KREMEN1: variants seen among roughly 807,000 people sequenced by gnomAD.
The protein encoded by KREMEN1 is kremen protein 1.
KREMEN1 carries 30 observed loss-of-function variants against 46.5 expected under a neutral mutation model. That is an observed-to-expected ratio of 0.65 (90% CI 0.48 to 0.88). KREMEN1 has a LOEUF of 0.88. KREMEN1 is among the 40% of genes least tolerant of loss of function. The probability of loss-of-function intolerance (pLI) is 0.00; values close to 1 mark genes in which losing one functional copy is unlikely to be tolerated. For missense variants in KREMEN1, 533 were observed against 596.9 expected (o/e 0.89, Z 1.11); for synonymous variants, 214 against 230.6 (o/e 0.93, Z 0.65).
chr22:29,167,702 G>A (rs936949364), exon 10 of KREMEN1: 1 of 152,228 alleles, frequency 6.6e-6, no homozygotes, highest in Non-Finnish European at 1.5e-5. Context: ...AAGGCCCCAG[G>A]CCTACTGTGG....
intron 5 of KREMEN1, among the ~76,000 whole-genome samples, chr22:29,135,015 G>A (rs563025440): frequency 1.3e-5 from 2 of 152,310 alleles, no homozygotes; most frequent in Admixed American, 6.5e-5. Flanking sequence ...GACAGGATGT[G>A]TAAAGGCCAC....
intron 5 of KREMEN1, among the ~76,000 whole-genome samples, chr22:29,131,645 TATATATATGTATATATATAC>T (rs2038549175): frequency 8.6e-6 from 1 of 116,178 alleles, no homozygotes; most frequent in Non-Finnish European, 1.6e-5. Flanking sequence ...TATATGTGTG[TATATATATGTATATATATAC>T]ATGTATATAT....
chr22:29,141,574 G>T (rs1601812154), intron 8 of KREMEN1, among the ~76,000 whole-genome samples: 1 of 152,342 alleles, frequency 6.6e-6, no homozygotes, highest in African/African-American at 2.4e-5. Flanking sequence ...GAGAAGTTTT[G>T]TGTTTATCTT....
intron 5 of KREMEN1, among the ~76,000 whole-genome samples, chr22:29,136,457 C>G (rs531590509): frequency 1.2e-3 from 176 of 151,828 alleles, no homozygotes; most frequent in African/African-American, 4.0e-3. Context: ...ACCTGTAGTC[C>G]CAGCTACTCG....
intron 3 of KREMEN1, among the ~76,000 whole-genome samples, chr22:29,113,613 A>G (rs1395781457): frequency 6.6e-6 from 1 of 152,208 alleles, no homozygotes; most frequent in Non-Finnish European, 1.5e-5. Flanking sequence ...ATTGATTCTC[A>G]TTCCGCTGTT....
chr22:29,146,461 G>A lies in KREMEN1; in HGVS notation c.*4349G>A, dbSNP rs2038865141. The A allele has an allele frequency of 1.0e-6, 1 of 985,500 alleles. No homozygotes were observed. The highest frequency in any genetic ancestry group is 4.7e-5 in the South Asian group (1 of 21,294). The allele number at this position is 985,500 out of a possible 1,614,324, so 61.0% of individuals were successfully genotyped here. ...GTCAGAGGGAAATCTGCTTCAGAAA[G>A]GAAGGGTCTTTAGACACAAAGACTG... On this transcript the variant is annotated 3_prime_UTR_variant, in exon 9 of 9. Coordinates refer to ENST00000400335, the MANE Select transcript of KREMEN1 (RefSeq NM_001039570.3).
chr22:29,082,631 T>C (rs972601190), intron 1 of KREMEN1, among the ~76,000 whole-genome samples: 4 of 152,160 alleles, frequency 2.6e-5, no homozygotes, highest in Non-Finnish European at 5.9e-5. Context: ...ATGTGGTCTG[T>C]AGTTGCTGAG....
chr22:29,107,052 G>A (rs1313487317), intron 3 of KREMEN1, among the ~76,000 whole-genome samples: 1 of 152,130 alleles, frequency 6.6e-6, no homozygotes, highest in Non-Finnish European at 1.5e-5. Flanking sequence ...CCCCAGACCA[G>A]CTGTTCTCAG....
chr22:29,128,761 G>C (rs190318646), intron 5 of KREMEN1, among the ~76,000 whole-genome samples: 1 of 152,316 alleles, frequency 6.6e-6, no homozygotes, highest in Admixed American at 6.5e-5. Flanking sequence ...CTGTTGATAA[G>C]AAAACTGTGG....
rs1456626743 is a variant in KREMEN1 at position 29,145,805 on chromosome 22, C to T, written c.*3693C>T. 1.0e-6 allele frequency: 1 copy of T among 985,388 alleles called. No homozygotes were observed. Among genetic ancestry groups the T allele is most frequent in the East Asian group, 1.1e-4 (1 of 8,832 alleles). The allele number at this position is 985,388 out of a possible 1,614,324, so 61.0% of individuals were successfully genotyped here. ...GAAGAGTGGGCTCTGGCTCAAGACT[C>T]CAATCGGCCAGAAGCCCACAGAGAT... On this transcript the variant is annotated 3_prime_UTR_variant, in exon 9 of 9. Transcript: ENST00000400335.
chr22:29,108,237 A>C (rs966674831), intron 3 of KREMEN1, among the ~76,000 whole-genome samples: 1 of 152,224 alleles, frequency 6.6e-6, no homozygotes, highest in Non-Finnish European at 1.5e-5. Context: ...CGGTAAGCCT[A>C]GATTGCGCCA....
intron 3 of KREMEN1, among the ~76,000 whole-genome samples, chr22:29,117,384 G>A (rs1215669957): frequency 6.6e-6 from 1 of 152,110 alleles, no homozygotes; most frequent in Non-Finnish European, 1.5e-5. Context: ...TGGCTAACAT[G>A]GTGAAACCCT....
intron 1 of KREMEN1, among the ~76,000 whole-genome samples, chr22:29,085,483 C>T (rs1391065043): frequency 1.3e-5 from 2 of 152,022 alleles, no homozygotes; most frequent in Admixed American, 1.3e-4. Flanking sequence ...AACAATAATT[C>T]CTTAATGCCA....
At chr22:29,125,164 G>A in intron 4 of KREMEN1, 99 bp from the exon 5 acceptor site, 1 of 1,391,388 alleles carries the variant, frequency 7.2e-7, no homozygotes, top group East Asian at 2.3e-5. Flanking sequence ...CTGGGAAGTT[G>A]AGGCTGATTG....
At chr22:29,105,463 G>GCACACACACA (rs1181636900) in intron 3 of KREMEN1, among the ~76,000 whole-genome samples, 4 of 112,938 alleles carry the variant, frequency 3.5e-5, no homozygotes, top group East Asian at 3.3e-4. Flanking sequence ...GTGCGTGTGC[G>GCACACACACA]CACACACACA....
intron 5 of KREMEN1, among the ~76,000 whole-genome samples, chr22:29,134,770 C>T (rs537501830): frequency 3.9e-4 from 59 of 152,276 alleles, no homozygotes; most frequent in South Asian, 1.7e-3. Flanking sequence ...CCTCCAGTGA[C>T]GGGCTGCTAT....
At chr22:29,111,910 G>C (rs1053656038) in intron 3 of KREMEN1, among the ~76,000 whole-genome samples, 1 of 152,144 alleles carries the variant, frequency 6.6e-6, no homozygotes. Context: ...TTCTGTCTTC[G>C]ATAATGATTT....
intron 3 of KREMEN1, among the ~76,000 whole-genome samples, chr22:29,099,986 C>G (rs1316961362): frequency 3.3e-5 from 5 of 152,220 alleles, no homozygotes; most frequent in Middle Eastern, 6.8e-3. Context: ...AATGGTGGTC[C>G]CATATGGAGT....
chr22:29,076,502 A>G (rs546033676), intron 1 of KREMEN1, among the ~76,000 whole-genome samples: 6 of 152,356 alleles, frequency 3.9e-5, no homozygotes, highest in Admixed American at 3.3e-4. Context: ...TCGACCTGCT[A>G]TCAAAGACCT....
Sources: gnomAD v4.1 joint callset for allele counts (sites outside exome capture counted in the v4.1 genomes callset) on GRCh38, gnomAD v4.1.1 for gene constraint, MANE v1.5 for transcripts, NCBI Gene and HGNC (gene_info 2026-07-23, HGNC 2026-07-21) for gene names.